The following BMPR1A variants were observed in gnomAD, a reference collection of about 807,000 sequenced individuals.
The protein encoded by BMPR1A is bone morphogenetic protein receptor type-1A.
Under a neutral mutation model 66.0 loss-of-function variants are expected in BMPR1A, and 7 were observed. The observed-to-expected ratio is 0.11, with a 90% CI of 0.06 to 0.20. The LOEUF (loss-of-function observed/expected upper bound fraction) is 0.20, where lower values mean the gene tolerates loss of function less well. BMPR1A is among the 10% of genes least tolerant of loss of function. The pLI, the probability that BMPR1A is intolerant of heterozygous loss-of-function variation, is 1.00. For missense variants in BMPR1A, 408 were observed against 669.1 expected, an observed-to-expected ratio of 0.61 and a Z score of 4.31; for synonymous variants, 200 against 229.7, an observed-to-expected ratio of 0.87 and a Z score of 1.17.
chr10:86,888,730 G>T (rs1843104416), intron 3 of BMPR1A, among the ~76,000 whole-genome samples: 1 of 151,684 alleles, frequency 6.6e-6, no homozygotes, highest in Admixed American at 6.6e-5. Flanking sequence ...CAGAGGCTGA[G>T]GTGGGAGGAT....
chr10:86,776,161 A>G (rs1841344899), intron 1 of BMPR1A, among the ~76,000 whole-genome samples: 1 of 152,240 alleles, frequency 6.6e-6, no homozygotes, highest in Admixed American at 6.5e-5. Context: ...TTTGAAATAT[A>G]GCTATTAACA....
In BMPR1A at chr10:86,924,348, T is replaced by C. The variant is rs1843711120; in HGVS notation, c.*629T>C. The C allele has an allele frequency of 4.2e-6, 1 of 235,986 alleles. No individual in the cohort carries two copies. Among genetic ancestry groups the C allele is most frequent in the South Asian group, 1.8e-4 (1 of 5,688 alleles). The allele number at this position is 235,986 out of a possible 1,614,324, so 14.6% of individuals were successfully genotyped here. ...ATATTGGTGGCCGGTGGTTTTGTGC[T>C]TTAAAAATGCAATATCTGACCAAGA... On this transcript the variant is annotated 3_prime_UTR_variant, in exon 13 of 13. Coordinates refer to ENST00000372037, the MANE Select transcript of BMPR1A (RefSeq NM_004329.3).
chr10:86,868,916 C>T (rs1206338818), intron 2 of BMPR1A, among the ~76,000 whole-genome samples: 1 of 151,792 alleles, frequency 6.6e-6, no homozygotes, highest in Non-Finnish European at 1.5e-5. Context: ...TGAAAAGAAA[C>T]AGTACCAGTC....
At chr10:86,856,630 C>G (rs1166365646) in intron 2 of BMPR1A, among the ~76,000 whole-genome samples, 2 of 152,112 alleles carry the variant, frequency 1.3e-5, no homozygotes, top group Non-Finnish European at 2.9e-5. Flanking sequence ...CAAAAGAAGT[C>G]CAGTATTATG....
At chr10:86,874,756 C>T (rs532512517) in intron 2 of BMPR1A, among the ~76,000 whole-genome samples, 3 of 115,128 alleles carry the variant, frequency 2.6e-5, no homozygotes, top group South Asian at 3.1e-4. Flanking sequence ...CTCGCTCTGT[C>T]GTGTAGGCTG....
At chr10:86,789,827 A>G (rs192081056) in intron 1 of BMPR1A, among the ~76,000 whole-genome samples, 3 of 152,014 alleles carry the variant, frequency 2.0e-5, no homozygotes, top group East Asian at 1.9e-4. Context: ...AAATGGCTAC[A>G]TAAGCTCATG....
chr10:86,810,791 A>G (rs1255762768), intron 1 of BMPR1A, among the ~76,000 whole-genome samples: 1 of 152,172 alleles, frequency 6.6e-6, no homozygotes, highest in East Asian at 1.9e-4. Flanking sequence ...TTCTTTATAT[A>G]TTCCAGATAC....
At chr10:86,805,331 A>G (rs540879709) in intron 1 of BMPR1A, among the ~76,000 whole-genome samples, 3 of 149,620 alleles carry the variant, frequency 2.0e-5, no homozygotes, top group East Asian at 4.0e-4. Context: ...ACATTTTCCC[A>G]TATTTGCATT....
At chr10:86,759,781 A>G (rs947816736) in intron 1 of BMPR1A, among the ~76,000 whole-genome samples, 6 of 152,134 alleles carry the variant, frequency 3.9e-5, no homozygotes, top group Non-Finnish European at 7.4e-5. Context: ...GACCTCCCCT[A>G]TGTGACCATT....
intron 7 of BMPR1A, among the ~76,000 whole-genome samples, chr10:86,911,122 T>G (rs1479785664): frequency 1.5e-5 from 2 of 136,186 alleles, no homozygotes; most frequent in Non-Finnish European, 3.0e-5. Context: ...GCCACTACAC[T>G]CTAGCCTGGG....
chr10:86,911,712 T>C (rs1201218075), intron 7 of BMPR1A, among the ~76,000 whole-genome samples: 2 of 152,134 alleles, frequency 1.3e-5, no homozygotes, highest in African/African-American at 4.8e-5. Flanking sequence ...ATCGTACCAC[T>C]GCATTCCAGC....
Position 86,760,909 on chromosome 10 carries a change from A to G in BMPR1A, c.-268+3990A>G, listed in dbSNP as rs1359018425. ...ACTTGCATTGAGTTATGTCCATTGT[A>G]AGATACACAGTAGTGTTACAGACCA... On this transcript the variant is annotated intron_variant, in intron 1 of 12. Coordinates refer to ENST00000372037, the MANE Select transcript of BMPR1A (RefSeq NM_004329.3). Among the ~76,000 whole-genome samples, 4 of 152,368 alleles carry G rather than the reference A, an allele frequency of 2.6e-5. No individual in the cohort carries two copies. The South Asian group carries it at 6.2e-4, about 24-fold the overall frequency.
chr10:86,800,835 C>T (rs758955884), intron 1 of BMPR1A, among the ~76,000 whole-genome samples: 4 of 152,094 alleles, frequency 2.6e-5, no homozygotes, highest in African/African-American at 7.2e-5. Context: ...GGAGAAGATA[C>T]GTAATGAAAA....
chr10:86,894,224 G>A (rs758477453), intron 5 of BMPR1A, among the ~76,000 whole-genome samples: 27 of 152,194 alleles, frequency 1.8e-4, no homozygotes, highest in Non-Finnish European at 3.1e-4. Flanking sequence ...CCTTCTGTCC[G>A]CTGAAGTCCC....
At position 86,869,100 on chromosome 10, in the gene BMPR1A, G is replaced by A. The variant is rs564304647; in HGVS notation, c.-152-6767G>A. Reference sequence around the variant, plus strand: ...TAGATATTTTTAATGTAAAAATTCCGATGAATCATTTAGGAATTTAAAAAA... The same window carrying A: ...TAGATATTTTTAATGTAAAAATTCCAATGAATCATTTAGGAATTTAAAAAA... On this transcript the variant is annotated intron_variant, in intron 2 of 12. Coordinates refer to ENST00000372037, the MANE Select transcript of BMPR1A (RefSeq NM_004329.3). Among the ~76,000 whole-genome samples the A allele has an allele frequency of 4.6e-5, 7 of 152,094 alleles. No individual in the cohort carries two copies. The East Asian group carries it at 5.8e-4, about 13-fold the overall frequency.
At chr10:86,789,442 G>T (rs1350340506) in intron 1 of BMPR1A, among the ~76,000 whole-genome samples, 1 of 152,176 alleles carries the variant, frequency 6.6e-6, no homozygotes, top group Non-Finnish European at 1.5e-5. Flanking sequence ...GCTGGGCGCC[G>T]TGGCTCACAC....
intron 1 of BMPR1A, among the ~76,000 whole-genome samples, chr10:86,792,199 C>T (rs1245409963): frequency 6.6e-6 from 1 of 151,014 alleles, no homozygotes; most frequent in African/African-American, 2.4e-5. Flanking sequence ...TCCCGAGTAG[C>T]TGGGATTACG....
chr10:86,792,682 T>C (rs1457943714), intron 1 of BMPR1A, among the ~76,000 whole-genome samples: 1 of 152,072 alleles, frequency 6.6e-6, no homozygotes, highest in East Asian at 1.9e-4. Context: ...GAGTGACTAA[T>C]AAGACTTCCA....
chr10:86,820,082 C>T (rs1842098851), intron 1 of BMPR1A, among the ~76,000 whole-genome samples: 1 of 152,164 alleles, frequency 6.6e-6, no homozygotes, highest in Admixed American at 6.5e-5. Context: ...CTTTCTGACA[C>T]CCAGACTGGA....
Sources: gnomAD v4.1 joint callset for allele counts (sites outside exome capture counted in the v4.1 genomes callset) on GRCh38, gnomAD v4.1.1 for gene constraint, MANE v1.5 for transcripts, NCBI Gene and HGNC (gene_info 2026-07-23, HGNC 2026-07-21) for gene names.